CDH4: variants seen among roughly 807,000 people sequenced by gnomAD.
The protein encoded by CDH4 is cadherin 4.
Under a neutral mutation model 86.0 loss-of-function variants are expected in CDH4, and 33 were observed. That is an observed-to-expected ratio of 0.38 (90% CI 0.29 to 0.51). The LOEUF (loss-of-function observed/expected upper bound fraction) is 0.51, where lower values mean the gene tolerates loss of function less well. Among genes scored for constraint, CDH4 ranks in the 20% least tolerant of loss-of-function variants. The pLI is 0.86. For missense variants in CDH4, 1,114 were observed against 1,307.4 expected (o/e 0.85, Z 2.28); for synonymous variants, 555 against 549.4 (o/e 1.01, Z -0.14).
At chr20:61,924,993 C>T (rs919632261) in intron 11 of CDH4, among the ~76,000 whole-genome samples, 6 of 152,324 alleles carry the variant, frequency 3.9e-5, no homozygotes, top group Admixed American at 6.5e-5. Flanking sequence ...GTGCCGCCCT[C>T]GTGTCTCTGA....
At chr20:61,795,852 T>TGAATGAATGAGTGAGG (rs1979509208) in intron 4 of CDH4, among the ~76,000 whole-genome samples, 2 of 13,646 alleles carry the variant, frequency 1.5e-4, no homozygotes, top group Admixed American at 1.7e-3. Context: ...AATGAGTGAA[T>TGAATGAATGAGTGAGG]GAATGAATGA....
chr20:61,751,296 C>G lies in CDH4; in HGVS notation c.396+7507C>G, dbSNP rs982940428. Among the ~76,000 whole-genome samples the G allele has an allele frequency of 3.9e-5, 6 of 152,312 alleles. No individual in the cohort carries two copies. In the East Asian group the frequency reaches 7.7e-4, roughly 20 times the overall value. ...AAGCCCCATAACCTCCATATGCAAC[C>G]AAAGCTCTTTCCAGCCACTGCCAAA... On this transcript the variant is annotated intron_variant, in intron 3 of 15. Transcript: ENST00000614565.
intron 2 of CDH4, among the ~76,000 whole-genome samples, chr20:61,656,435 G>GGGGTGGAAAGGTTTGTGATT (rs2087192048): frequency 6.6e-6 from 1 of 152,116 alleles, no homozygotes; most frequent in Admixed American, 6.5e-5. Flanking sequence ...GGTGCATGCT[G>GGGGTGGAAAGGTTTGTGATT]GGGTGGAAAG....
rs187121782 is a variant in CDH4, at chr20:61,515,020, G to A, written c.170-228543G>A. Reference sequence around the variant, plus strand: ...TCTGCCCTGCACCTGAAAACAAGACGCCAGCTCTTCTCGGTTTCCTGCCAA... The same window carrying A: ...TCTGCCCTGCACCTGAAAACAAGACACCAGCTCTTCTCGGTTTCCTGCCAA... On this transcript the variant is annotated intron_variant, in intron 2 of 15. Coordinates refer to ENST00000614565, the MANE Select transcript of CDH4 (RefSeq NM_001794.5). Among the ~76,000 whole-genome samples the A allele has an allele frequency of 1.9e-3, 286 of 152,338 alleles. 2 individuals carry two copies. The highest frequency in any genetic ancestry group is 6.4e-3 in the African/African-American group (266 of 41,576).
At chr20:61,920,034 A>T (rs2054953945) in intron 9 of CDH4, among the ~76,000 whole-genome samples, 1 of 110,906 alleles carries the variant, frequency 9.0e-6, no homozygotes. Flanking sequence ...GCGTGTCGTG[A>T]TTGTGTGGAA....
Position 61,480,998 on chromosome 20 carries a change from G to A in CDH4, c.169+226061G>A, listed in dbSNP as rs986878316. On this transcript the variant is annotated intron_variant, in intron 2 of 15. Coordinates refer to ENST00000614565, the MANE Select transcript of CDH4 (RefSeq NM_001794.5). This position sits in a 1 kb window ranked among gnomAD's most constrained non-coding sequence, Gnocchi z 5.2. ...TAGTCAGATGACATCCATGAGAGGC[G>A]TTCTCAGTCAGCTTCATTTCTGTTC... is the stretch of plus-strand genomic sequence containing the variant. Among the ~76,000 whole-genome samples, 7 of 152,132 alleles carry A rather than the reference G, an allele frequency of 4.6e-5. No homozygotes were observed. Among genetic ancestry groups the A allele is most frequent in the South Asian group, 2.1e-4 (1 of 4,816 alleles).
At chr20:61,874,823 G>T (rs574155212) in intron 7 of CDH4, among the ~76,000 whole-genome samples, 1 of 152,220 alleles carries the variant, frequency 6.6e-6, no homozygotes, top group African/African-American at 2.4e-5. Flanking sequence ...TGGCTCCCAG[G>T]AGCCGGTAGA....
chr20:61,854,493 A>G (rs1982893105), intron 6 of CDH4, among the ~76,000 whole-genome samples: 1 of 150,414 alleles, frequency 6.6e-6, no homozygotes, highest in Non-Finnish European at 1.5e-5. Flanking sequence ...AACAGGGTGA[A>G]TTGTGCCCTT....
rs148018508 is a variant in CDH4 at position 61,304,375 on chromosome 20, G to A, written c.169+49438G>A. On this transcript the variant is annotated intron_variant, in intron 2 of 15. Coordinates refer to ENST00000614565, the MANE Select transcript of CDH4 (RefSeq NM_001794.5). ...CTTCATTCTGATACTGGTTTTCTGCGTCCTAGTTTTATTATTTCATATTAC... is the reference window on the plus strand; with the variant it reads ...CTTCATTCTGATACTGGTTTTCTGCATCCTAGTTTTATTATTTCATATTAC... 2.1e-3 allele frequency among the ~76,000 whole-genome samples: 321 copies of A among 151,918 alleles called. 2 individuals are homozygous for A. The East Asian group carries it at 0.056, about 26-fold the overall frequency.
chr20:61,932,348 A>G (rs895508489), intron 13 of CDH4, among the ~76,000 whole-genome samples: 1 of 152,214 alleles, frequency 6.6e-6, no homozygotes, highest in African/African-American at 2.4e-5. Context: ...GTGCCCAGGC[A>G]GTGAGCTGGG....
chr20:61,720,010 G>GT (rs1568776117), intron 2 of CDH4, among the ~76,000 whole-genome samples: 1 of 152,138 alleles, frequency 6.6e-6, no homozygotes, highest in Admixed American at 6.5e-5. Context: ...GTGAGCGGGC[G>GT]TCTTCCTTCT....
At chr20:61,327,974 C>T (rs1262410012) in intron 2 of CDH4, among the ~76,000 whole-genome samples, 1 of 152,086 alleles carries the variant, frequency 6.6e-6, no homozygotes, top group East Asian at 1.9e-4. Flanking sequence ...ATTCACAGGA[C>T]AATACTGATG....
chr20:61,687,855 C>A (rs886834498), intron 2 of CDH4, among the ~76,000 whole-genome samples: 1 of 152,172 alleles, frequency 6.6e-6, no homozygotes, highest in African/African-American at 2.4e-5. Flanking sequence ...AGGACTTAGC[C>A]TACCTTAGAC....
intron 4 of CDH4, among the ~76,000 whole-genome samples, chr20:61,797,487 T>C (rs1979593641): frequency 6.6e-6 from 1 of 152,180 alleles, no homozygotes; most frequent in South Asian, 2.1e-4. Context: ...CCACACCACC[T>C]GGTGGGCTTG....
At chr20:61,800,758 A>T (rs1320071271) in intron 4 of CDH4, among the ~76,000 whole-genome samples, 2 of 152,188 alleles carry the variant, frequency 1.3e-5, no homozygotes, top group Non-Finnish European at 2.9e-5. Context: ...ACACACCCCA[A>T]GGGGCCGGGG....
At chr20:61,505,407 T>G (rs999850336) in intron 2 of CDH4, among the ~76,000 whole-genome samples, 10 of 152,214 alleles carry the variant, frequency 6.6e-5, no homozygotes, top group African/African-American at 2.2e-4. Context: ...AGCATAGTGT[T>G]AAGTTCAGGA....
At chr20:61,426,793 A>G (rs554852280) in intron 2 of CDH4, among the ~76,000 whole-genome samples, 1 of 152,356 alleles carries the variant, frequency 6.6e-6, no homozygotes, top group Admixed American at 6.5e-5. Flanking sequence ...TGCTTTCTTC[A>G]TAGACCTTGT....
chr20:61,550,046 C>T (rs968371484), intron 2 of CDH4, among the ~76,000 whole-genome samples: 5 of 151,882 alleles, frequency 3.3e-5, no homozygotes, highest in African/African-American at 9.7e-5. Context: ...CCTGGCCTCC[C>T]TGCCCCAACC....
At chr20:61,431,623 A>G (rs112192458) in intron 2 of CDH4, among the ~76,000 whole-genome samples, 4,338 of 152,220 alleles carry the variant, frequency 0.028, 98 homozygotes, top group Non-Finnish European at 0.044. Flanking sequence ...GTCTCCTAAA[A>G]TGTTGGGACT....
Sources: allele counts gnomAD v4.1 joint callset (sites outside exome capture counted in the v4.1 genomes callset), GRCh38; gene constraint gnomAD v4.1.1; non-coding constraint Gnocchi (gnomAD v3.1); transcripts MANE v1.5; gene names NCBI Gene and HGNC (gene_info 2026-07-23, HGNC 2026-07-21).